Variants in DCC observed in about 807,000 individuals in gnomAD.
The protein encoded by DCC is netrin receptor DCC.
Under a neutral mutation model 172.5 loss-of-function variants are expected in DCC, and 58 were observed. The ratio of observed to expected loss-of-function variants is 0.34; its 90% confidence interval spans 0.27 to 0.42. DCC has a LOEUF of 0.42. Among genes scored for constraint, DCC ranks in the 10% least tolerant of loss-of-function variants. The probability of loss-of-function intolerance (pLI) is 1.00; values close to 1 mark genes in which losing one functional copy is unlikely to be tolerated. For missense variants in DCC, 1,740 were observed against 1,791.0 expected (o/e 0.97, Z 0.51); for synonymous variants, 709 against 644.5 (o/e 1.10, Z -1.52).
chr18:53,385,621 TTCCA>T (rs1908106005), intron 15 of DCC, among the ~76,000 whole-genome samples: 3 of 152,222 alleles, frequency 2.0e-5, no homozygotes, highest in Non-Finnish European at 4.4e-5. Flanking sequence ...CTGCTGTGCT[TTCCA>T]GCATTAGCTG....
chr18:52,388,512 T>A (rs1385806422), intron 1 of DCC, among the ~76,000 whole-genome samples: 1 of 152,082 alleles, frequency 6.6e-6, no homozygotes, highest in Non-Finnish European at 1.5e-5. Flanking sequence ...TGCCACTTTT[T>A]TTTTTCCCCA....
intron 5 of DCC, among the ~76,000 whole-genome samples, chr18:53,051,212 G>A (rs2042329944): frequency 6.6e-6 from 1 of 152,052 alleles, no homozygotes; most frequent in Non-Finnish European, 1.5e-5. Context: ...CCTGGGCAAT[G>A]GAGAGACATT....
In DCC at chr18:52,921,634, G is replaced by C. The variant is rs373204146; in HGVS notation, c.698-2073G>C. On this transcript the variant is annotated intron_variant, in intron 3 of 28. Coordinates refer to ENST00000442544, the MANE Select transcript of DCC (RefSeq NM_005215.4). Reference sequence around the variant, plus strand: ...GAATCCGTTGAACCCAGGAGGTGGAGGTTGCAGTGAGCTGAGATGGCGCCA... The same window carrying C: ...GAATCCGTTGAACCCAGGAGGTGGACGTTGCAGTGAGCTGAGATGGCGCCA... Among the ~76,000 whole-genome samples the C allele has an allele frequency of 2.6e-5, 4 of 151,754 alleles. No homozygotes were observed. The South Asian group carries it at 8.3e-4, about 32-fold the overall frequency.
At chr18:52,377,068 G>A (rs1009300604) in intron 1 of DCC, among the ~76,000 whole-genome samples, 8 of 152,152 alleles carry the variant, frequency 5.3e-5, no homozygotes, top group South Asian at 2.1e-4. Context: ...TGAGAAAAGC[G>A]CTGACTGTTC....
intron 2 of DCC, among the ~76,000 whole-genome samples, chr18:52,800,532 C>T (rs1043630873): frequency 3.3e-5 from 5 of 152,076 alleles, no homozygotes; most frequent in African/African-American, 9.7e-5. Context: ...ATATGTCTGG[C>T]AGTACATAGA....
intron 1 of DCC, among the ~76,000 whole-genome samples, chr18:52,467,125 C>T (rs1032000603): frequency 6.6e-6 from 1 of 151,714 alleles, no homozygotes; most frequent in Non-Finnish European, 1.5e-5. Context: ...TATACATGTG[C>T]CATGGTGGTT....
intron 1 of DCC, among the ~76,000 whole-genome samples, chr18:52,476,313 G>A (rs901541364): frequency 1.3e-5 from 2 of 152,132 alleles, no homozygotes; most frequent in Non-Finnish European, 2.9e-5. Context: ...CTGGCTGTCG[G>A]CATAACAAAC....
At chr18:53,517,955 A>G (rs2046357194) in intron 27 of DCC, among the ~76,000 whole-genome samples, 1 of 152,140 alleles carries the variant, frequency 6.6e-6, no homozygotes, top group Non-Finnish European at 1.5e-5. Flanking sequence ...GTTGAAGATG[A>G]AAGGGTAGAG....
At chr18:53,079,184 C>G (rs936250564) in intron 7 of DCC, among the ~76,000 whole-genome samples, 1 of 152,058 alleles carries the variant, frequency 6.6e-6, no homozygotes, top group Non-Finnish European at 1.5e-5. Context: ...TTCTTGATTT[C>G]ATAAATGGAA....
At chr18:53,332,700 A>G (rs949783199) in intron 14 of DCC, among the ~76,000 whole-genome samples, 1 of 152,136 alleles carries the variant, frequency 6.6e-6, no homozygotes, top group Non-Finnish European at 1.5e-5. Flanking sequence ...GGGCTTGACT[A>G]TAAAGGGGCA....
At chr18:53,188,584 G>A (rs2055320886) in intron 9 of DCC, among the ~76,000 whole-genome samples, 1 of 152,088 alleles carries the variant, frequency 6.6e-6, no homozygotes, top group African/African-American at 2.4e-5. Context: ...GTCTCCCTTA[G>A]AAATAAGTAA....
chr18:53,311,270 C>A (rs1472789291), intron 13 of DCC, among the ~76,000 whole-genome samples: 3 of 151,996 alleles, frequency 2.0e-5, no homozygotes, highest in Admixed American at 6.6e-5. Context: ...TACAGGCATG[C>A]ACCACCACAC....
intron 1 of DCC, among the ~76,000 whole-genome samples, chr18:52,554,796 A>C (rs1001397972): frequency 7.2e-5 from 11 of 152,126 alleles, no homozygotes; most frequent in Non-Finnish European, 1.5e-4. Context: ...GAAGTAACTT[A>C]GTCCTCTCAT....
chr18:52,769,320 A>G (rs1398411643), intron 2 of DCC, among the ~76,000 whole-genome samples: 1 of 152,186 alleles, frequency 6.6e-6, no homozygotes, highest in Non-Finnish European at 1.5e-5. Flanking sequence ...TCACTTCCTA[A>G]TGACATATGA....
At chr18:53,228,791 T>C (rs979507944) in intron 12 of DCC, among the ~76,000 whole-genome samples, 11 of 152,124 alleles carry the variant, frequency 7.2e-5, no homozygotes, top group Admixed American at 2.6e-4. Flanking sequence ...AACATAACAA[T>C]ACCTTAAACC....
chr18:52,541,999 C>T (rs1435260922), intron 1 of DCC, among the ~76,000 whole-genome samples: 1 of 146,054 alleles, frequency 6.8e-6, no homozygotes, highest in Non-Finnish European at 1.5e-5. Flanking sequence ...AATATCTCAG[C>T]AATATGCTAG....
chr18:53,391,548 T>C, intron 16 of DCC, 107 bp from the exon 17 acceptor site: 1 of 750,812 alleles, frequency 1.3e-6, no homozygotes, highest in Non-Finnish European at 2.4e-6. Flanking sequence ...TCATCATTAT[T>C]GCCATGCATT....
chr18:52,933,009 A>T (rs1298072446), intron 5 of DCC, among the ~76,000 whole-genome samples: 1 of 152,144 alleles, frequency 6.6e-6, no homozygotes, highest in Admixed American at 6.6e-5. Context: ...CCAAATAAAG[A>T]TATATGGGTG....
chr18:52,989,427 G>A (rs1265907892), intron 5 of DCC, among the ~76,000 whole-genome samples: 1 of 152,096 alleles, frequency 6.6e-6, no homozygotes, highest in Non-Finnish European at 1.5e-5. Flanking sequence ...GGAGATGGAG[G>A]CAGGAGAATC....
Sources: allele counts gnomAD v4.1 joint callset (sites outside exome capture counted in the v4.1 genomes callset), GRCh38; gene constraint gnomAD v4.1.1; transcripts MANE v1.5; gene names NCBI Gene and HGNC (gene_info 2026-07-23, HGNC 2026-07-21).